Variants in CNTN4 observed in about 807,000 individuals in gnomAD.
CNTN4 encodes contactin-4.
CNTN4 carries 77 observed loss-of-function variants against 122.5 expected under a neutral mutation model. That is an observed-to-expected ratio of 0.63 (90% CI 0.52 to 0.76). CNTN4 has a LOEUF of 0.76. CNTN4 is among the 30% of genes least tolerant of loss of function. CNTN4 has a pLI of 0.00. For missense variants in CNTN4, 1,256 were observed against 1,259.1 expected (o/e 1.00, Z 0.04); for synonymous variants, 512 against 447.0 (o/e 1.15, Z -1.83).
At position 3,006,185 on chromosome 3, in the gene CNTN4, TAG is replaced by T. The variant is rs556552684; in HGVS notation, c.1486+17715_1486+17716del. ...GCCACCGCGCCCAGCCCACGCTGTGTAGATTTTTAATAATACTTTTGTTATCT... is the reference window on the plus strand; with the variant it reads ...GCCACCGCGCCCAGCCCACGCTGTGTATTTTTAATAATACTTTTGTTATCT... On this transcript the variant is annotated intron_variant, in intron 14 of 24. Coordinates refer to ENST00000418658, the MANE Select transcript of CNTN4 (RefSeq NM_175607.3). Among the ~76,000 whole-genome samples the T allele has an allele frequency of 1.0e-3, 152 of 152,266 alleles. 1 individual carries two copies. Among genetic ancestry groups the T allele is most frequent in the African/African-American group, 3.6e-3 (149 of 41,566 alleles).
At chr3:2,675,190 G>A (rs560388593) in intron 4 of CNTN4, among the ~76,000 whole-genome samples, 2 of 150,970 alleles carry the variant, frequency 1.3e-5, no homozygotes, top group Non-Finnish European at 3.0e-5. Flanking sequence ...TTTAAAAGTT[G>A]TCTTCCCTAC....
At chr3:2,830,598 C>T (rs935945733) in intron 7 of CNTN4, among the ~76,000 whole-genome samples, 1 of 152,156 alleles carries the variant, frequency 6.6e-6, no homozygotes, top group African/African-American at 2.4e-5. Flanking sequence ...CAGGAGAGTG[C>T]TACCAGGGAT....
At chr3:3,000,462 G>C (rs1025711375) in intron 14 of CNTN4, among the ~76,000 whole-genome samples, 3 of 152,154 alleles carry the variant, frequency 2.0e-5, no homozygotes, top group African/African-American at 7.2e-5. Flanking sequence ...TGACATCAGA[G>C]GGCAGTACCA....
chr3:3,006,185 T>C (rs987930464), intron 14 of CNTN4, among the ~76,000 whole-genome samples: 2 of 152,148 alleles, frequency 1.3e-5, no homozygotes, highest in Admixed American at 6.5e-5. Flanking sequence ...CCACGCTGTG[T>C]AGATTTTTAA....
rs770241283 is a variant in CNTN4 at position 2,896,200 on chromosome 3, A to G, written c.941-4485A>G. ...AGATATCAGCCAGTATCAGCAAAGT[A>G]TGTGTATGTTTCTCAAGGTACTTTT... On this transcript the variant is annotated intron_variant, in intron 10 of 24. Coordinates refer to ENST00000418658, the MANE Select transcript of CNTN4 (RefSeq NM_175607.3). Among the ~76,000 whole-genome samples, 8 of 152,262 alleles carry G rather than the reference A, an allele frequency of 5.3e-5. No individual in the cohort carries two copies. The East Asian group carries it at 1.5e-3, about 29-fold the overall frequency.
At chr3:2,784,963 A>G (rs2091751212) in intron 6 of CNTN4, among the ~76,000 whole-genome samples, 1 of 152,120 alleles carries the variant, frequency 6.6e-6, no homozygotes, top group Non-Finnish European at 1.5e-5. Context: ...ATTATACTTG[A>G]GTAGTTCCTG....
At chr3:2,427,321 C>A (rs1275415348) in intron 3 of CNTN4, among the ~76,000 whole-genome samples, 2 of 152,150 alleles carry the variant, frequency 1.3e-5, no homozygotes, top group Non-Finnish European at 2.9e-5. Flanking sequence ...GCCTTCATTT[C>A]GTTATGTACC....
intron 4 of CNTN4, among the ~76,000 whole-genome samples, chr3:2,701,561 C>T (rs2086361710): frequency 6.6e-6 from 1 of 152,134 alleles, no homozygotes; most frequent in Non-Finnish European, 1.5e-5. Context: ...ATGGTTTGAG[C>T]CAGAGCTATA....
chr3:2,783,980 A>G (rs930639232), intron 6 of CNTN4, among the ~76,000 whole-genome samples: 1 of 152,256 alleles, frequency 6.6e-6, no homozygotes, highest in African/African-American at 2.4e-5. Context: ...TTTATTAACC[A>G]TAAGCCTTTC....
intron 2 of CNTN4, among the ~76,000 whole-genome samples, chr3:2,116,829 C>G (rs1271052715): frequency 6.6e-6 from 1 of 152,154 alleles, no homozygotes. Flanking sequence ...AGCCCTGGCT[C>G]CTCCTTAGAA....
chr3:2,231,998 T>G (rs952928406), intron 2 of CNTN4, among the ~76,000 whole-genome samples: 1 of 152,124 alleles, frequency 6.6e-6, no homozygotes, highest in African/African-American at 2.4e-5. Context: ...TGACAAAGCT[T>G]ACCAGAGAGC....
At chr3:2,588,673 G>A (rs2080321031) in intron 4 of CNTN4, among the ~76,000 whole-genome samples, 1 of 151,062 alleles carries the variant, frequency 6.6e-6, no homozygotes, top group African/African-American at 2.4e-5. Flanking sequence ...CCATGAGTTA[G>A]TACTTTTTTA....
chr3:3,012,697 C>T (rs143528925), intron 14 of CNTN4, among the ~76,000 whole-genome samples: 124 of 152,156 alleles, frequency 8.1e-4, no homozygotes, highest in African/African-American at 2.4e-3. Context: ...GGCTGGGCGC[C>T]GTGGCTCACG....
intron 3 of CNTN4, among the ~76,000 whole-genome samples, chr3:2,356,146 G>T (rs552439004): frequency 5.9e-5 from 9 of 152,094 alleles, no homozygotes; most frequent in Admixed American, 1.3e-4. Flanking sequence ...CTGGAAAGGG[G>T]TCCCAATCAA....
chr3:2,872,436 GGGGACTGGTTT>G (rs1197740399), intron 8 of CNTN4, among the ~76,000 whole-genome samples: 1 of 152,016 alleles, frequency 6.6e-6, no homozygotes, highest in East Asian at 1.9e-4. Context: ...GAGACTGGTT[GGGGACTGGTTT>G]GGAAGGTTTG....
At chr3:2,947,951 G>A (rs1202440680) in intron 13 of CNTN4, among the ~76,000 whole-genome samples, 1 of 152,116 alleles carries the variant, frequency 6.6e-6, no homozygotes, top group Non-Finnish European at 1.5e-5. Flanking sequence ...TCTATTAAAT[G>A]AATATGTGCT....
intron 3 of CNTN4, among the ~76,000 whole-genome samples, chr3:2,508,547 G>A (rs1470104700): frequency 1.3e-5 from 2 of 152,148 alleles, no homozygotes. Flanking sequence ...TGAATCTTGT[G>A]TAATGGCCAG....
chr3:2,260,341 A>G (rs2040780131), intron 2 of CNTN4, among the ~76,000 whole-genome samples: 1 of 152,004 alleles, frequency 6.6e-6, no homozygotes, highest in Non-Finnish European at 1.5e-5. Flanking sequence ...TTCAGGCATT[A>G]TCATTTTTTT....
chr3:2,469,737 T>C (rs2075620624), intron 3 of CNTN4, among the ~76,000 whole-genome samples: 1 of 152,148 alleles, frequency 6.6e-6, no homozygotes, highest in Admixed American at 6.5e-5. Flanking sequence ...TCTTGATCCA[T>C]TGTTTCATAT....
Sources: gnomAD v4.1 joint callset for allele counts (sites outside exome capture counted in the v4.1 genomes callset) on GRCh38, gnomAD v4.1.1 for gene constraint, MANE v1.5 for transcripts, NCBI Gene and HGNC (gene_info 2026-07-23, HGNC 2026-07-21) for gene names.